Variants in FAM131B observed in about 807,000 individuals in gnomAD.
FAM131B encodes family with sequence similarity 131 member B, also known as protein FAM131B.
A neutral mutation model predicts 42.0 loss-of-function variants in FAM131B; 19 were observed. That is an observed-to-expected ratio of 0.45 (90% CI 0.32 to 0.66). The LOEUF is 0.66. Ranked by LOEUF, FAM131B falls within the 30% of genes least tolerant of loss-of-function variation. The pLI, the probability that FAM131B is intolerant of heterozygous loss-of-function variation, is 0.05. For missense variants in FAM131B, 370 were observed against 468.4 expected (o/e 0.79, Z 1.94); for synonymous variants, 183 against 177.6 (o/e 1.03, Z -0.24).
upstream of FAM131B, among the ~76,000 whole-genome samples, chr7:143,366,086 G>A (rs1804175083): frequency 6.6e-6 from 1 of 151,920 alleles, no homozygotes; most frequent in African/African-American, 2.4e-5. Flanking sequence ...CTCCTCAGAG[G>A]GAAAATCTAT....
the FAM131B span, chr7:143,382,046 G>T: frequency 1.7e-6 from 1 of 603,676 alleles, no homozygotes; most frequent in Non-Finnish European, 2.9e-6. Context: ...AAGTGTAACG[G>T]GAGCTGCACC....
At chr7:143,372,669 A>T in the FAM131B span, among the ~76,000 whole-genome samples, 1 of 152,202 alleles carries the variant, frequency 6.6e-6, no homozygotes, top group East Asian at 1.9e-4. Flanking sequence ...CTCATTAATA[A>T]TTTTTAAGGC....
At position 143,353,896 on chromosome 7, in the gene FAM131B, A is replaced by T. The variant is rs1246695661; in HGVS notation, c.*2654T>A. On this transcript the variant is annotated 3_prime_UTR_variant, in exon 7 of 7. Coordinates refer to ENST00000443739, the MANE Select transcript of FAM131B (RefSeq NM_001031690.3). ...CCCCTCCAAAAAAAGAAAATCATTTAGCAAGAGCAGTTTCATTCACAAGAA... is the reference window on the plus strand; with the variant it reads ...CCCCTCCAAAAAAAGAAAATCATTTTGCAAGAGCAGTTTCATTCACAAGAA... 1 of 150,706 alleles carries T rather than the reference A, an allele frequency of 6.6e-6. No individual in the cohort carries two copies. The highest frequency in any genetic ancestry group is 1.5e-5 in the Non-Finnish European group (1 of 67,650). The allele number at this position is 150,706 out of a possible 1,614,324, so 9.3% of individuals were successfully genotyped here.
At chr7:143,361,610 T>C (rs1481831087) in intron 1 of FAM131B, 1 of 126,006 alleles carries the variant, frequency 7.9e-6, no homozygotes, top group African/African-American at 3.1e-5. Flanking sequence ...AAATTGGGAG[T>C]TGGAAAGGGG....
the FAM131B span, among the ~76,000 whole-genome samples, chr7:143,370,585 C>G: frequency 6.6e-6 from 1 of 152,184 alleles, no homozygotes; most frequent in Non-Finnish European, 1.5e-5. Flanking sequence ...ACGAGAGTAA[C>G]CTCTGGTCTT....
chr7:143,375,955 C>T, the FAM131B span, among the ~76,000 whole-genome samples: 1,005 of 152,284 alleles, frequency 6.6e-3, 10 homozygotes, highest in African/African-American at 0.023. Flanking sequence ...GCTGACTCCT[C>T]GCCATCTGAC....
chr7:143,371,660 G>A, the FAM131B span, among the ~76,000 whole-genome samples: 2 of 151,576 alleles, frequency 1.3e-5, no homozygotes, highest in South Asian at 2.1e-4. Flanking sequence ...GAAAGGAGAG[G>A]TGGATAATAA....
chr7:143,375,617 A>G, the FAM131B span, among the ~76,000 whole-genome samples: 2 of 152,278 alleles, frequency 1.3e-5, no homozygotes, highest in South Asian at 4.1e-4. Context: ...GTTTCTTTAT[A>G]TGAAGCCCAC....
At chr7:143,380,818 G>T in the FAM131B span, 5 of 977,810 alleles carry the variant, frequency 5.1e-6, no homozygotes, top group Non-Finnish European at 6.1e-6. This position sits in a 1 kb window ranked among gnomAD's most constrained non-coding sequence, Gnocchi z 5.0. Flanking sequence ...CATACGTTCG[G>T]CCACCCCAGG....
At chr7:143,370,323 C>T in the FAM131B span, among the ~76,000 whole-genome samples, 1 of 152,186 alleles carries the variant, frequency 6.6e-6, no homozygotes, top group South Asian at 2.1e-4. Flanking sequence ...AATCTGGCAT[C>T]TTCACTCTAC....
At chr7:143,361,887 T>A in intron 1 of FAM131B, 1 of 110,186 alleles carries the variant, frequency 9.1e-6, no homozygotes, top group Non-Finnish European at 1.8e-5. Context: ...TCCCGACCCC[T>A]CCCAGCGCCT....
In FAM131B at chr7:143,357,035, T is replaced by A. The variant is rs1375415547; in HGVS notation, c.611-13A>T. 6.3e-7 allele frequency: 1 copy of A among 1,583,046 alleles called. No individual in the cohort carries two copies. Among genetic ancestry groups the A allele is most frequent in the South Asian group, 1.1e-5 (1 of 90,442 alleles). On this transcript the variant is annotated splice_polypyrimidine_tract_variant and intron_variant, in intron 6 of 6. Coordinates refer to ENST00000443739, the MANE Select transcript of FAM131B (RefSeq NM_001031690.3). ...TGAGCCAGGGCATCTGGAAAAAGAA[T>A]CATGGAGGTCAGTGGGGCCACAGAA...
chr7:143,381,711 C>A, the FAM131B span: 2 of 1,603,366 alleles, frequency 1.2e-6, no homozygotes, highest in Non-Finnish European at 8.5e-7. Flanking sequence ...AGCGAGCCTC[C>A]CCCGGCACCC....
chr7:143,365,452 A>G (rs1447363735), upstream of FAM131B, among the ~76,000 whole-genome samples: 1 of 152,232 alleles, frequency 6.6e-6, no homozygotes, highest in Non-Finnish European at 1.5e-5. Context: ...TTTAAAGAAT[A>G]GAGTTTTCAG....
the FAM131B span, chr7:143,381,887 G>C: frequency 9.0e-7 from 1 of 1,107,442 alleles, no homozygotes; most frequent in Non-Finnish European, 1.3e-6. Flanking sequence ...GGGGCTGGGC[G>C]CAGCCACCCT....
At position 143,356,990 on chromosome 7, in the gene FAM131B, G is replaced by T. The variant is rs775728202; in HGVS notation, c.643C>A (p.Pro215Thr). 2 of 1,613,706 alleles carry T rather than the reference G, an allele frequency of 1.2e-6. No homozygotes were observed. Among genetic ancestry groups the T allele is most frequent in the East Asian group, 2.2e-5 (1 of 44,900 alleles). ...ATACCCTGGGACACGTAAGAGTGAG[G>T]CCATCCATCCATGGGTGCTTGAGCC... is the stretch of plus-strand genomic sequence containing the variant. ...ALAQAPMDGW[P>T]HSYVSQGMYC... Residue 215 changes from proline to threonine, a missense_variant, in exon 7 of 7, where the codon CCT becomes ACT. By Grantham distance (38) the Pro-to-Thr change is conservative. Coordinates refer to ENST00000443739, the MANE Select transcript of FAM131B (RefSeq NM_001031690.3). The surrounding 1 kb of genome is among the most constrained non-coding windows in gnomAD (Gnocchi z 4.4).
upstream of FAM131B, chr7:143,362,827 G>A: frequency 6.6e-6 from 1 of 150,954 alleles, no homozygotes; most frequent in Non-Finnish European, 1.4e-5. The surrounding 1 kb of genome is among the most constrained non-coding windows in gnomAD (Gnocchi z 7.7). Flanking sequence ...GGCTCGCCGC[G>A]GCCGGGGAGG....
chr7:143,380,094 C>T, the FAM131B span: 4 of 985,408 alleles, frequency 4.1e-6, no homozygotes, highest in Middle Eastern at 5.2e-4. This position sits in a 1 kb window ranked among gnomAD's most constrained non-coding sequence, Gnocchi z 5.0. Flanking sequence ...ACGAAGGCCT[C>T]AGGAGGCAGT....
the FAM131B span, chr7:143,380,779 C>T: frequency 1.2e-5 from 12 of 985,258 alleles, no homozygotes; most frequent in Non-Finnish European, 1.4e-5. This position sits in a 1 kb window ranked among gnomAD's most constrained non-coding sequence, Gnocchi z 5.0. Context: ...TCCTCACCCC[C>T]CATCCCCGTG....
Sources: gnomAD v4.1 joint callset for allele counts (sites outside exome capture counted in the v4.1 genomes callset) on GRCh38, gnomAD v4.1.1 for gene constraint, Gnocchi (gnomAD v3.1) non-coding constraint, MANE v1.5 for transcripts, NCBI Gene and HGNC (gene_info 2026-07-23, HGNC 2026-07-21) for gene names.